Variants in RORA observed in about 807,000 individuals in gnomAD.
The protein encoded by RORA is nuclear receptor ROR-alpha.
Under a neutral mutation model 69.5 loss-of-function variants are expected in RORA, and 7 were observed. That is an observed-to-expected ratio of 0.10 (90% CI 0.06 to 0.19). The LOEUF is 0.19. Among genes scored for constraint, RORA ranks in the 10% least tolerant of loss-of-function variants. The probability of loss-of-function intolerance (pLI) is 1.00; values close to 1 mark genes in which losing one functional copy is unlikely to be tolerated. For synonymous variants in RORA, 261 were observed against 240.8 expected (o/e 1.08, Z -0.78); for missense variants, 457 against 663.0 (o/e 0.69, Z 3.41).
chr15:60,833,644 G>C (rs945489309), intron 1 of RORA, among the ~76,000 whole-genome samples: 7 of 151,940 alleles, frequency 4.6e-5, no homozygotes, highest in Non-Finnish European at 8.8e-5. Context: ...ACCGTTTTTT[G>C]TTACCATGAT....
intron 2 of RORA, among the ~76,000 whole-genome samples, chr15:60,548,698 C>T (rs947392423): frequency 6.6e-6 from 1 of 152,132 alleles, no homozygotes; most frequent in African/African-American, 2.4e-5. Flanking sequence ...AGTGCAGTGG[C>T]GCGATCTCGG....
In RORA at chr15:60,984,457, T is replaced by C. The variant is rs1020241937; in HGVS notation, c.166+244596A>G. On this transcript the variant is annotated intron_variant, in intron 1 of 10. Coordinates refer to ENST00000335670, the MANE Select transcript of RORA (RefSeq NM_134261.3). ...TAATAATAATAGTTATTATTATAAT[T>C]ACTACTGACAGTTACCTACTTACAA... Among the ~76,000 whole-genome samples the C allele has an allele frequency of 3.3e-5, 5 of 151,484 alleles. No individual in the cohort carries two copies. The South Asian group carries it at 8.4e-4, about 25-fold the overall frequency.
At chr15:60,867,251 C>G (rs1313038940) in intron 1 of RORA, among the ~76,000 whole-genome samples, 2 of 152,042 alleles carry the variant, frequency 1.3e-5, no homozygotes, top group Non-Finnish European at 2.9e-5. Flanking sequence ...GTGACTGAGC[C>G]TGAGGAGGGG....
intron 1 of RORA, among the ~76,000 whole-genome samples, chr15:60,923,326 C>T (rs1892106778): frequency 1.3e-5 from 2 of 152,210 alleles, no homozygotes; most frequent in African/African-American, 4.8e-5. Flanking sequence ...ATGAGTCCCC[C>T]CACTCCCGAA....
At chr15:60,788,881 T>A (rs1210943927) in intron 1 of RORA, among the ~76,000 whole-genome samples, 1 of 152,242 alleles carries the variant, frequency 6.6e-6, no homozygotes, top group Non-Finnish European at 1.5e-5. Context: ...TGCAGTCAGA[T>A]AAAATGCTCA....
Position 60,773,824 on chromosome 15 carries a change from G to A in RORA, c.167-95138C>T, listed in dbSNP as rs17237395. ...CAGAGCTACCGGGCCAAGCAGACTT[G>A]ACACTACCCTACCTAGATATGGAAA... On this transcript the variant is annotated intron_variant, in intron 1 of 10. Coordinates refer to ENST00000335670, the MANE Select transcript of RORA (RefSeq NM_134261.3). Among the ~76,000 whole-genome samples the A allele has an allele frequency of 4.4e-3, 676 of 152,272 alleles. 5 individuals carry two copies. Among genetic ancestry groups the A allele is most frequent in the East Asian group, 0.021 (109 of 5,184 alleles).
intron 1 of RORA, among the ~76,000 whole-genome samples, chr15:61,055,367 G>C (rs2078081171): frequency 6.6e-6 from 1 of 152,134 alleles, no homozygotes; most frequent in Admixed American, 6.5e-5. Flanking sequence ...GCTTCACTAA[G>C]GGACCGAGGC....
intron 1 of RORA, among the ~76,000 whole-genome samples, chr15:61,037,649 C>A (rs914991179): frequency 6.6e-6 from 1 of 152,150 alleles, no homozygotes; most frequent in African/African-American, 2.4e-5. Context: ...ATTTATTGAA[C>A]CCTTGTGATG....
intron 1 of RORA, among the ~76,000 whole-genome samples, chr15:61,020,772 C>G (rs1895484318): frequency 6.6e-6 from 1 of 152,186 alleles, no homozygotes; most frequent in Non-Finnish European, 1.5e-5. Flanking sequence ...TCACATTATT[C>G]CCAAACTGAC....
chr15:61,148,198 G>C (rs981524799), intron 1 of RORA, among the ~76,000 whole-genome samples: 5 of 152,208 alleles, frequency 3.3e-5, no homozygotes, highest in Non-Finnish European at 5.9e-5. Flanking sequence ...GGCCACAGCA[G>C]TGATGTGGAA....
intron 1 of RORA, among the ~76,000 whole-genome samples, chr15:61,053,136 C>T (rs904706859): frequency 6.6e-6 from 1 of 152,194 alleles, no homozygotes; most frequent in Non-Finnish European, 1.5e-5. Context: ...CTGATCGGAG[C>T]TACTCAATCA....
At chr15:60,772,855 G>A (rs2072098739) in intron 1 of RORA, among the ~76,000 whole-genome samples, 1 of 152,176 alleles carries the variant, frequency 6.6e-6, no homozygotes, top group Non-Finnish European at 1.5e-5. Context: ...TGGAATCCTA[G>A]TCTTATATCC....
intron 1 of RORA, among the ~76,000 whole-genome samples, chr15:60,710,795 C>T (rs541858683): frequency 2.5e-4 from 38 of 152,306 alleles, no homozygotes; most frequent in South Asian, 2.5e-3. Flanking sequence ...GCTCTGCTTA[C>T]TACACTGGTC....
At chr15:60,890,134 C>T (rs578167370) in intron 1 of RORA, among the ~76,000 whole-genome samples, 3 of 152,296 alleles carry the variant, frequency 2.0e-5, no homozygotes, top group East Asian at 3.9e-4. Context: ...TATGCACATA[C>T]GCATCCCTGC....
At chr15:61,120,197 A>G (rs1489799591) in intron 1 of RORA, among the ~76,000 whole-genome samples, 1 of 152,142 alleles carries the variant, frequency 6.6e-6, no homozygotes, top group Non-Finnish European at 1.5e-5. Context: ...ATGTATTTCT[A>G]TGTAAAAATT....
chr15:60,780,089 G>T (rs1038257207), intron 1 of RORA, among the ~76,000 whole-genome samples: 1 of 152,160 alleles, frequency 6.6e-6, no homozygotes, highest in African/African-American at 2.4e-5. Flanking sequence ...TGGGGAGGAG[G>T]AGTTTTAGCT....
At position 60,903,276 on chromosome 15, in the gene RORA, C is replaced by T. The variant is rs78902960; in HGVS notation, c.167-224590G>A. The stretch of plus-strand genomic sequence containing the variant: ...GGCACATGAAGCCTGCAAAACTGGG[C>T]TCTAGACTCTTCTCATTGCAGCTTC... On this transcript the variant is annotated intron_variant, in intron 1 of 10. Transcript: ENST00000335670. 6.6e-3 allele frequency among the ~76,000 whole-genome samples: 1,001 copies of T among 152,288 alleles called. 11 individuals are homozygous for T. Among genetic ancestry groups the T allele is most frequent in the African/African-American group, 0.023 (938 of 41,560 alleles).
intron 1 of RORA, among the ~76,000 whole-genome samples, chr15:60,900,700 C>T (rs1229625695): frequency 2.6e-5 from 4 of 151,928 alleles, no homozygotes; most frequent in Admixed American, 6.6e-5. Flanking sequence ...GGTGAAACCC[C>T]GTCTCTACTA....
chr15:61,104,762 G>C (rs889524339), intron 1 of RORA, among the ~76,000 whole-genome samples: 5 of 152,088 alleles, frequency 3.3e-5, no homozygotes, highest in Non-Finnish European at 5.9e-5. Flanking sequence ...TTCTTACCTA[G>C]TGATATGGTT....
Sources: gnomAD v4.1 joint callset for allele counts (sites outside exome capture counted in the v4.1 genomes callset) on GRCh38, gnomAD v4.1.1 for gene constraint, MANE v1.5 for transcripts, NCBI Gene and HGNC (gene_info 2026-07-23, HGNC 2026-07-21) for gene names.